The following RPS6KA5 variants were observed in gnomAD, a reference collection of about 807,000 sequenced individuals.
RPS6KA5 encodes the protein ribosomal protein S6 kinase alpha-5.
Under a neutral mutation model 85.5 loss-of-function variants are expected in RPS6KA5, and 27 were observed. The observed-to-expected ratio is 0.32, with a 90% CI of 0.23 to 0.44. RPS6KA5 has a LOEUF of 0.44. Ranked by LOEUF, RPS6KA5 falls within the 20% of genes least tolerant of loss-of-function variation. The pLI is 1.00. For synonymous variants in RPS6KA5, 334 were observed against 348.2 expected (o/e 0.96, Z 0.46); for missense variants, 811 against 980.9 (o/e 0.83, Z 2.31).
intron 3 of RPS6KA5, among the ~76,000 whole-genome samples, chr14:90,974,037 CAAAAAAAAAAA>C (rs56212923): frequency 4.9e-5 from 3 of 61,444 alleles, no homozygotes; most frequent in Non-Finnish European, 8.6e-5. Context: ...GACTCCATCT[CAAAAAAAAAAA>C]AAAAAAAAAA....
At chr14:90,983,758 CACTT>C (rs1391933941) in intron 2 of RPS6KA5, among the ~76,000 whole-genome samples, 1 of 151,886 alleles carries the variant, frequency 6.6e-6, no homozygotes, top group East Asian at 1.9e-4. Flanking sequence ...GTTCTAAACA[CACTT>C]TCTTTCTTTC....
intron 1 of RPS6KA5, among the ~76,000 whole-genome samples, chr14:91,035,106 A>T (rs2042345433): frequency 6.6e-6 from 1 of 152,132 alleles, no homozygotes; most frequent in Admixed American, 6.5e-5. Flanking sequence ...ACTTCAAAGG[A>T]AAGATGATAA....
At chr14:91,029,385 G>A (rs530319569) in intron 1 of RPS6KA5, among the ~76,000 whole-genome samples, 48 of 152,206 alleles carry the variant, frequency 3.2e-4, no homozygotes, top group African/African-American at 1.1e-3. Flanking sequence ...AAGCAAATAA[G>A]CAATAGCTAA....
In RPS6KA5 at chr14:91,060,494, G is replaced by A; in HGVS notation, c.-60C>T. On this transcript the variant is annotated 5_prime_UTR_variant, in exon 1 of 17. Coordinates refer to ENST00000614987, the MANE Select transcript of RPS6KA5 (RefSeq NM_004755.4). ...GAGGGGAACCCAGGAGACAGCGGAC[G>A]CCCGTCCCCTCGCAGCCGCTGCCGC... is the stretch of plus-strand genomic sequence containing the variant. 7.7e-7 allele frequency: 1 copy of A among 1,295,824 alleles called. No homozygotes were observed. Among genetic ancestry groups the A allele is most frequent in the Non-Finnish European group, 9.9e-7 (1 of 1,012,708 alleles). The allele number at this position is 1,295,824 out of a possible 1,614,324, so 80.3% of individuals were successfully genotyped here. A position where few individuals can be genotyped will look rare whatever the true frequency, so the allele number is the denominator to read the frequency against.
chr14:90,889,536 C>T (rs1358425608), intron 14 of RPS6KA5, among the ~76,000 whole-genome samples: 2 of 151,774 alleles, frequency 1.3e-5, no homozygotes. Context: ...TTGTGCATAC[C>T]CTTCTTCTGG....
In RPS6KA5 at chr14:90,999,715, GAATT is replaced by G. The variant is rs146821763; in HGVS notation, c.175+1369_175+1372del. Among the ~76,000 whole-genome samples, 36 of 152,316 alleles carry G rather than the reference GAATT, an allele frequency of 2.4e-4. No individual in the cohort carries two copies. In the East Asian group the frequency reaches 6.5e-3, roughly 28 times the overall value. The stretch of plus-strand genomic sequence containing the variant: ...ATGAAAATGCGGGTGCCTTGTTCAT[GAATT>G]ACTAATAATTTCAGAACAGTGACAG... On this transcript the variant is annotated intron_variant, in intron 2 of 16. Transcript: ENST00000614987.
chr14:91,000,964 A>G, intron 2 of RPS6KA5, 124 bp downstream of exon 2: 1 of 577,136 alleles, frequency 1.7e-6, no homozygotes, highest in Non-Finnish European at 3.0e-6. Context: ...GTTCTTTGAC[A>G]GTTCTCCTAA....
intron 1 of RPS6KA5, among the ~76,000 whole-genome samples, chr14:91,008,025 A>C (rs976861421): frequency 6.6e-6 from 1 of 152,214 alleles, no homozygotes; most frequent in Admixed American, 6.5e-5. Context: ...TGCTATTGTA[A>C]GTATAATTTG....
chr14:90,854,016 C>T lies in RPS6KA5; in HGVS notation c.*18058G>A, dbSNP rs1232209976. The T allele has an allele frequency of 3.3e-5, 5 of 152,042 alleles. No individual in the cohort carries two copies. The highest frequency in any genetic ancestry group is 1.2e-4 in the African/African-American group (5 of 41,394). 9.4% of individuals were successfully genotyped at this position (152,042 alleles called of 1,614,324 possible). A position where few individuals can be genotyped will look rare whatever the true frequency, so the allele number is the denominator to read the frequency against. On this transcript the variant is annotated 3_prime_UTR_variant, in exon 17 of 17. Coordinates refer to ENST00000614987, the MANE Select transcript of RPS6KA5 (RefSeq NM_004755.4). Reference sequence around the variant, plus strand: ...AGTCTTATTAATTTGGTATTGTAAGCCCCCAATACATGTGTGTATACACAT... The same window carrying T: ...AGTCTTATTAATTTGGTATTGTAAGTCCCCAATACATGTGTGTATACACAT...
intron 1 of RPS6KA5, among the ~76,000 whole-genome samples, chr14:91,039,567 T>TA (rs1410151292): frequency 1.3e-5 from 2 of 152,186 alleles, no homozygotes; most frequent in Non-Finnish European, 2.9e-5. Flanking sequence ...GACATCAAGG[T>TA]CCTTATGTTT....
chr14:91,001,030 A>G (rs2040764761), intron 2 of RPS6KA5, 58 bp downstream of exon 2: 1 of 951,726 alleles, frequency 1.1e-6, no homozygotes, highest in African/African-American at 1.7e-5. Flanking sequence ...TCAATCCTTC[A>G]TCATAGGAAT....
intron 1 of RPS6KA5, among the ~76,000 whole-genome samples, chr14:91,003,615 A>G (rs2040876233): frequency 6.6e-6 from 1 of 152,216 alleles, no homozygotes; most frequent in Non-Finnish European, 1.5e-5. Context: ...GGTAATGAGA[A>G]GCAGCTCAAG....
Position 90,885,741 on chromosome 14 carries a change from C to CAAAAAAAAAAAAAAAAAAA in RPS6KA5, c.1836+4727_1836+4745dup, listed in dbSNP as rs11312699. On this transcript the variant is annotated intron_variant, in intron 14 of 16. Transcript: ENST00000614987. The stretch of plus-strand genomic sequence containing the variant: ...TGGGTGACAGAGCAAGACTCCATCT[C>CAAAAAAAAAAAAAAAAAAA]AAAAAAAAAAAAAAAAAAAAAAAAA... Among the ~76,000 whole-genome samples, 10 of 27,886 alleles carry CAAAAAAAAAAAAAAAAAAA rather than the reference C, an allele frequency of 3.6e-4. 1 individual carries two copies. The highest frequency in any genetic ancestry group is 1.5e-3 in the East Asian group (1 of 682). 18.3% of individuals were successfully genotyped at this position (27,886 alleles called of 152,430 possible). A position where few individuals can be genotyped will look rare whatever the true frequency, so the allele number is the denominator to read the frequency against.
intron 14 of RPS6KA5, 24 bp from the exon 15 acceptor site, chr14:90,875,384 C>G (rs375796259): frequency 2.5e-6 from 4 of 1,604,250 alleles, no homozygotes; most frequent in South Asian, 2.2e-5. Context: ...AGTAACAAAA[C>G]AGAATGACTA....
Position 90,863,192 on chromosome 14 carries a change from A to T in RPS6KA5, c.*8882T>A, listed in dbSNP as rs1219543861. ...GTGGTGCATGCCTGTGGTCCCAGCC[A>T]CCCGGGAGACTGAGGCAGAAGAATC... On this transcript the variant is annotated 3_prime_UTR_variant, in exon 17 of 17. Coordinates refer to ENST00000614987, the MANE Select transcript of RPS6KA5 (RefSeq NM_004755.4). The T allele has an allele frequency of 6.7e-6, 1 of 149,330 alleles. No individual in the cohort carries two copies. Among genetic ancestry groups the T allele is most frequent in the African/African-American group, 2.5e-5 (1 of 40,672 alleles). The allele number at this position is 149,330 out of a possible 1,614,324, so 9.3% of individuals were successfully genotyped here.
At chr14:91,004,739 G>A (rs368200531) in intron 1 of RPS6KA5, among the ~76,000 whole-genome samples, 231 of 151,980 alleles carry the variant, frequency 1.5e-3, no homozygotes, top group African/African-American at 4.8e-3. Context: ...AGGCCGAGGC[G>A]GGTGGATCAC....
intron 14 of RPS6KA5, among the ~76,000 whole-genome samples, chr14:90,878,066 A>C (rs1382270973): frequency 6.6e-6 from 1 of 152,184 alleles, no homozygotes; most frequent in Non-Finnish European, 1.5e-5. Flanking sequence ...CAGCCACTGA[A>C]CTGGTGTGCA....
chr14:90,966,041 A>G (rs1416810035), intron 3 of RPS6KA5, among the ~76,000 whole-genome samples: 1 of 152,148 alleles, frequency 6.6e-6, no homozygotes, highest in Non-Finnish European at 1.5e-5. Context: ...GAAGTGAAAG[A>G]GGTTTGGCAT....
chr14:90,973,454 AAAG>A (rs1344903364), intron 3 of RPS6KA5, among the ~76,000 whole-genome samples: 1 of 151,926 alleles, frequency 6.6e-6, no homozygotes, highest in African/African-American at 2.4e-5. Flanking sequence ...GAAAAAAAAA[AAAG>A]AAGAGATGGT....
Sources: allele counts gnomAD v4.1 joint callset (sites outside exome capture counted in the v4.1 genomes callset), GRCh38; gene constraint gnomAD v4.1.1; transcripts MANE v1.5; gene names NCBI Gene and HGNC (gene_info 2026-07-23, HGNC 2026-07-21).